Variants in BMPR1B observed in about 807,000 individuals in gnomAD.
BMPR1B encodes bone morphogenetic protein receptor type-1B.
BMPR1B carries 12 observed loss-of-function variants against 59.1 expected under a neutral mutation model. That is an observed-to-expected ratio of 0.20 (90% confidence interval 0.13 to 0.33). BMPR1B has a LOEUF of 0.33. Among genes scored for constraint, BMPR1B ranks in the 10% least tolerant of loss-of-function variants. The pLI, the probability that BMPR1B is intolerant of heterozygous loss-of-function variation, is 1.00. For synonymous variants in BMPR1B, 237 were observed against 207.3 expected, an observed-to-expected ratio of 1.14 and a Z score of -1.23; for missense variants, 550 against 610.9, an observed-to-expected ratio of 0.90 and a Z score of 1.05.
intron 3 of BMPR1B, among the ~76,000 whole-genome samples, chr4:95,076,484 A>T (rs1408911122): frequency 2.0e-5 from 3 of 152,122 alleles, no homozygotes; most frequent in Non-Finnish European, 4.4e-5. Flanking sequence ...GATTGTAGCT[A>T]ATAGTAGTAT....
At chr4:94,879,701 T>G (rs1578754161) in intron 2 of BMPR1B, among the ~76,000 whole-genome samples, 3 of 152,360 alleles carry the variant, frequency 2.0e-5, no homozygotes, top group Admixed American at 2.0e-4. Flanking sequence ...CAGGAGATCT[T>G]TAAATTTTTT....
chr4:94,978,138 C>T, intron 2 of BMPR1B, among the ~76,000 whole-genome samples: 1 of 152,226 alleles, frequency 6.6e-6, no homozygotes, highest in East Asian at 1.9e-4. Flanking sequence ...AAGGCCAATG[C>T]CACATGTTTT....
intron 11 of BMPR1B, among the ~76,000 whole-genome samples, chr4:95,149,636 TTTCTGTATCAACTC>T (rs1301114739): frequency 1.3e-5 from 2 of 152,198 alleles, no homozygotes; most frequent in Non-Finnish European, 2.9e-5. Flanking sequence ...ATCTTTGGCT[TTTCTGTATCAACTC>T]TTCTGTATGT....
chr4:94,850,532 G>A (rs1028760690), intron 1 of BMPR1B, among the ~76,000 whole-genome samples: 8 of 152,152 alleles, frequency 5.3e-5, no homozygotes, highest in East Asian at 1.9e-4. Context: ...ATTGGTAATC[G>A]TACTGTGATT....
chr4:95,056,759 T>C (rs1414807363), intron 3 of BMPR1B, among the ~76,000 whole-genome samples: 1 of 152,090 alleles, frequency 6.6e-6, no homozygotes, highest in Non-Finnish European at 1.5e-5. Context: ...CACTGCTTAC[T>C]GAGCATCAGC....
chr4:95,057,159 T>C (rs181106288), intron 3 of BMPR1B, among the ~76,000 whole-genome samples: 3 of 152,206 alleles, frequency 2.0e-5, no homozygotes, highest in Non-Finnish European at 4.4e-5. Flanking sequence ...GACATACTTA[T>C]AGTTTCTTGC....
At chr4:94,886,392 A>G (rs1251113813) in intron 2 of BMPR1B, among the ~76,000 whole-genome samples, 1 of 152,210 alleles carries the variant, frequency 6.6e-6, no homozygotes, top group Non-Finnish European at 1.5e-5. Flanking sequence ...ATTTGAGCAT[A>G]ATGTTCTCTG....
At chr4:94,887,158 C>G (rs1560532470) in intron 2 of BMPR1B, among the ~76,000 whole-genome samples, 1 of 151,440 alleles carries the variant, frequency 6.6e-6, no homozygotes, top group Non-Finnish European at 1.5e-5. Context: ...GAGGACTCAA[C>G]TCTTCTCCCC....
chr4:94,973,514 C>T (rs959137725), intron 2 of BMPR1B, among the ~76,000 whole-genome samples: 2 of 152,196 alleles, frequency 1.3e-5, no homozygotes, highest in African/African-American at 4.8e-5. Flanking sequence ...AGCTGTCCCT[C>T]TGAAGTCAAG....
intron 10 of BMPR1B, among the ~76,000 whole-genome samples, chr4:95,140,188 A>C (rs985537196): frequency 6.6e-6 from 1 of 152,186 alleles, no homozygotes; most frequent in Non-Finnish European, 1.5e-5. Context: ...TTCCCAATGG[A>C]AAGTAAGCCC....
intron 1 of BMPR1B, among the ~76,000 whole-genome samples, chr4:94,762,344 G>GA (rs1721811234): frequency 6.6e-6 from 1 of 152,154 alleles, no homozygotes; most frequent in Non-Finnish European, 1.5e-5. Context: ...TTTGCCATTA[G>GA]GAAAACAAGA....
intron 3 of BMPR1B, among the ~76,000 whole-genome samples, chr4:95,017,785 ATC>A (rs958762994): frequency 2.6e-5 from 4 of 152,162 alleles, no homozygotes; most frequent in African/African-American, 9.7e-5. Context: ...CTTGGTATAT[ATC>A]TTTTTCTAAT....
chr4:94,984,903 C>T (rs912403278), intron 2 of BMPR1B, among the ~76,000 whole-genome samples: 1 of 152,158 alleles, frequency 6.6e-6, no homozygotes, highest in Admixed American at 6.5e-5. Context: ...AAGTAGTTTT[C>T]CTTCTTTTAA....
chr4:94,954,612 C>T (rs562363911), intron 2 of BMPR1B, among the ~76,000 whole-genome samples: 7 of 152,246 alleles, frequency 4.6e-5, no homozygotes, highest in East Asian at 1.9e-4. Context: ...TGAGAGCCTG[C>T]GGTCCTGGTT....
chr4:94,911,553 T>G (rs962445690), intron 2 of BMPR1B, among the ~76,000 whole-genome samples: 21 of 152,164 alleles, frequency 1.4e-4, no homozygotes, highest in African/African-American at 4.6e-4. Context: ...GCTGTGGTCT[T>G]CAGTGTGGTT....
At chr4:95,012,779 G>A (rs901046439) in intron 3 of BMPR1B, among the ~76,000 whole-genome samples, 1 of 151,958 alleles carries the variant, frequency 6.6e-6, no homozygotes, top group African/African-American at 2.4e-5. Flanking sequence ...ATCTTAAATA[G>A]GCTTTTATAA....
chr4:95,010,651 G>A (rs1342985956), intron 3 of BMPR1B, among the ~76,000 whole-genome samples: 1 of 152,104 alleles, frequency 6.6e-6, no homozygotes, highest in Non-Finnish European at 1.5e-5. Flanking sequence ...TTAAAACAGG[G>A]TATTGGAAGA....
chr4:95,133,020 T>C (rs1442588731), intron 10 of BMPR1B, among the ~76,000 whole-genome samples: 1 of 152,246 alleles, frequency 6.6e-6, no homozygotes, highest in African/African-American at 2.4e-5. Flanking sequence ...GATTTCCTGC[T>C]GTATCTGCAT....
At chr4:94,834,525 T>G (rs188033009) in intron 1 of BMPR1B, among the ~76,000 whole-genome samples, 238 of 152,068 alleles carry the variant, frequency 1.6e-3, no homozygotes, top group African/African-American at 5.5e-3. Context: ...CCTTCCAAAC[T>G]CTTCAAGATT....
Sources: gnomAD v4.1 joint callset for allele counts (sites outside exome capture counted in the v4.1 genomes callset) on GRCh38, gnomAD v4.1.1 for gene constraint, MANE v1.5 for transcripts, NCBI Gene and HGNC (gene_info 2026-07-23, HGNC 2026-07-21) for gene names.